NPEPPS: variants seen among roughly 807,000 people sequenced by gnomAD.
NPEPPS encodes puromycin-sensitive aminopeptidase.
NPEPPS carries 14 observed loss-of-function variants against 115.5 expected under a neutral mutation model. The ratio of observed to expected loss-of-function variants is 0.12; its 90% CI spans 0.08 to 0.19. The LOEUF (loss-of-function observed/expected upper bound fraction) is 0.19. NPEPPS is among the 10% of genes least tolerant of loss of function. The probability of loss-of-function intolerance (pLI) is 1.00; values close to 1 mark genes in which losing one functional copy is unlikely to be tolerated. For synonymous variants in NPEPPS, 285 were observed against 390.6 expected (o/e 0.73, Z 3.19); for missense variants, 523 against 1,110.8 (o/e 0.47, Z 7.52).
chr17:47,599,529 AC>A lies in NPEPPS; in HGVS notation c.1537-146del, dbSNP rs1488312003. 5 of 631,502 alleles carry A rather than the reference AC, an allele frequency of 7.9e-6. No individual in the cohort carries two copies. The East Asian group carries it at 1.4e-4, about 18-fold the overall frequency. 39.1% of individuals were successfully genotyped at this position (631,502 alleles called of 1,614,324 possible). ...TCTCTTTAGTATTACCGTCTTCATC[AC>A]AATTGCATTTTGTATACTCATGAGA... On this transcript the variant is annotated intron_variant, in intron 13 of 22. Transcript: ENST00000322157.
chr17:47,544,302 T>C (rs1490561900), intron 1 of NPEPPS, among the ~76,000 whole-genome samples: 1 of 152,098 alleles, frequency 6.6e-6, no homozygotes, highest in African/African-American at 2.4e-5. Context: ...CCTCCAGAAG[T>C]GCTAGGATTA....
chr17:47,615,936 A>T (rs768592609), intron 19 of NPEPPS, among the ~76,000 whole-genome samples: 1 of 152,176 alleles, frequency 6.6e-6, no homozygotes, highest in Non-Finnish European at 1.5e-5. Context: ...TTGTCTTATG[A>T]TGGTAATTTA....
At chr17:47,619,884 T>G in intron 22 of NPEPPS, 100 bp downstream of exon 22, 2 of 978,882 alleles carry the variant, frequency 2.0e-6, no homozygotes, top group Non-Finnish European at 3.2e-6. Flanking sequence ...GTAGCATCTC[T>G]GTGTTTTTGT....
At chr17:47,540,720 T>G (rs1908691963) in intron 1 of NPEPPS, among the ~76,000 whole-genome samples, 1 of 152,164 alleles carries the variant, frequency 6.6e-6, no homozygotes, top group Non-Finnish European at 1.5e-5. Flanking sequence ...ATTTAACCTG[T>G]GTGTGTGTAT....
chr17:47,531,082 G>C, upstream of NPEPPS: 1 of 638,416 alleles, frequency 1.6e-6, no homozygotes, highest in Non-Finnish European at 2.4e-6. Context: ...CCGGCCGGCG[G>C]GGCCGCGCAC....
At chr17:47,606,847 G>A (rs1466682884) in intron 17 of NPEPPS, among the ~76,000 whole-genome samples, 1 of 151,986 alleles carries the variant, frequency 6.6e-6, no homozygotes, top group Non-Finnish European at 1.5e-5. Flanking sequence ...TCTAATGGGA[G>A]ACATAGCAAA....
At chr17:47,543,327 T>TA (rs899822893) in intron 1 of NPEPPS, among the ~76,000 whole-genome samples, 4 of 151,030 alleles carry the variant, frequency 2.6e-5, no homozygotes, top group South Asian at 2.1e-4. Flanking sequence ...TTTTTTTTTT[T>TA]AAATTTTTGA....
chr17:47,581,599 G>T (rs1427706769), intron 4 of NPEPPS: 1 of 151,960 alleles, frequency 6.6e-6, no homozygotes, highest in Non-Finnish European at 1.5e-5. Context: ...CTTCTTTTCA[G>T]ATGTCTTTTT....
intron 2 of NPEPPS, among the ~76,000 whole-genome samples, chr17:47,558,232 G>A (rs528791371): frequency 6.6e-6 from 1 of 151,908 alleles, no homozygotes; most frequent in South Asian, 2.1e-4. Context: ...GGTTCAAGCA[G>A]TTTTCCTGCC....
chr17:47,565,276 C>T (rs919711397), intron 2 of NPEPPS, among the ~76,000 whole-genome samples: 16 of 151,870 alleles, frequency 1.1e-4, no homozygotes, highest in East Asian at 3.9e-4. Flanking sequence ...TTTGGGAGGC[C>T]GAGGCTGGTG....
At chr17:47,548,891 A>G (rs1043075715) in intron 2 of NPEPPS, among the ~76,000 whole-genome samples, 2 of 151,984 alleles carry the variant, frequency 1.3e-5, no homozygotes, top group Non-Finnish European at 2.9e-5. Flanking sequence ...AAAAGTTTTG[A>G]ATATGCGTAA....
At chr17:47,575,473 T>A (rs1169669197) in intron 3 of NPEPPS, among the ~76,000 whole-genome samples, 2 of 151,592 alleles carry the variant, frequency 1.3e-5, no homozygotes, top group African/African-American at 4.8e-5. Context: ...ATAGTATGAT[T>A]TAACATAATT....
rs1418333822 is a variant in NPEPPS, at chr17:47,619,158, A to G, written c.2553A>G (p.Leu851=). Residue 851 remains leucine, a synonymous_variant, in exon 21 of 23, where the codon CTA becomes CTG. Coordinates refer to ENST00000322157, the MANE Select transcript of NPEPPS (RefSeq NM_006310.4). ...RYQGGFLISR[L]IKLSVEGFAV... The stretch of plus-strand genomic sequence containing the variant: ...AGGGAGGATTCTTAATATCCAGACT[A>G]ATAAAGGTATGTGAAAAACTTTGAG... 1 of 1,612,484 alleles carries G rather than the reference A, an allele frequency of 6.2e-7. No homozygotes were observed. Among genetic ancestry groups the G allele is most frequent in the African/African-American group, 1.3e-5 (1 of 74,922 alleles).
chr17:47,616,422 G>A (rs559899597), intron 19 of NPEPPS, among the ~76,000 whole-genome samples: 1 of 152,146 alleles, frequency 6.6e-6, no homozygotes, highest in African/African-American at 2.4e-5. Flanking sequence ...GGTGGCTCAC[G>A]CCTGCAATCC....
At chr17:47,572,535 G>A (rs1911261237) in intron 3 of NPEPPS, among the ~76,000 whole-genome samples, 1 of 151,648 alleles carries the variant, frequency 6.6e-6, no homozygotes, top group African/African-American at 2.4e-5. Context: ...TTAAGAGAAA[G>A]CATTGCGTTC....
rs567156717 is a variant in NPEPPS at position 47,604,189 on chromosome 17, T to C, written c.1875+140T>C. ...CACCTTTGGGACTAGAGCAAATCACTGTTTTTAATATGACAAGATTGAGGC... is the reference window on the plus strand; with the variant it reads ...CACCTTTGGGACTAGAGCAAATCACCGTTTTTAATATGACAAGATTGAGGC... On this transcript the variant is annotated intron_variant, in intron 16 of 22. Coordinates refer to ENST00000322157, the MANE Select transcript of NPEPPS (RefSeq NM_006310.4). 3.4e-4 allele frequency: 221 copies of C among 644,718 alleles called. 2 individuals are homozygous for C. The African/African-American group carries it at 3.8e-3, about 11-fold the overall frequency. The allele number at this position is 644,718 out of a possible 1,614,324, so 39.9% of individuals were successfully genotyped here. A position where few individuals can be genotyped will look rare whatever the true frequency, so the allele number is the denominator to read the frequency against.
At chr17:47,562,957 T>G (rs1486479991) in intron 2 of NPEPPS, among the ~76,000 whole-genome samples, 1 of 151,920 alleles carries the variant, frequency 6.6e-6, no homozygotes, top group Non-Finnish European at 1.5e-5. Context: ...TTGGAGCATT[T>G]TTTCCCCAAT....
At chr17:47,560,033 G>A (rs553120861) in intron 2 of NPEPPS, among the ~76,000 whole-genome samples, 1 of 152,296 alleles carries the variant, frequency 6.6e-6, no homozygotes, top group South Asian at 2.1e-4. Context: ...GGCCTAGAAT[G>A]CAAAGCTTCC....
intron 14 of NPEPPS, among the ~76,000 whole-genome samples, chr17:47,600,523 TA>T (rs1913129868): frequency 6.6e-6 from 1 of 152,226 alleles, no homozygotes; most frequent in Admixed American, 6.5e-5. Flanking sequence ...TTCTGCCTCT[TA>T]CCTATAATCC....
Sources: allele counts gnomAD v4.1 joint callset (sites outside exome capture counted in the v4.1 genomes callset), GRCh38; gene constraint gnomAD v4.1.1; transcripts MANE v1.5; gene names NCBI Gene and HGNC (gene_info 2026-07-23, HGNC 2026-07-21).